Variants in HMGCLL1 observed in about 807,000 individuals in gnomAD.
HMGCLL1 encodes the protein 3-hydroxymethyl-3-methylglutaryl-CoA lyase, cytoplasmic.
A neutral mutation model predicts 39.1 loss-of-function variants in HMGCLL1; 36 were observed. The observed-to-expected ratio is 0.92, with a 90% CI of 0.71 to 1.22. HMGCLL1 has a LOEUF of 1.22. HMGCLL1 is among the 50% of genes most tolerant of loss of function. The pLI, the probability that HMGCLL1 is intolerant of heterozygous loss-of-function variation, is 0.00. For missense variants in HMGCLL1, 451 were observed against 416.5 expected, an observed-to-expected ratio of 1.08 and a Z score of -0.72; for synonymous variants, 149 against 144.0, an observed-to-expected ratio of 1.03 and a Z score of -0.25.
At chr6:55,636,504 C>T in the HMGCLL1 span, among the ~76,000 whole-genome samples, 3 of 152,164 alleles carry the variant, frequency 2.0e-5, no homozygotes, top group Non-Finnish European at 2.9e-5. Context: ...TACAGCTGGA[C>T]TCACAACCTA....
chr6:55,629,498 C>A, the HMGCLL1 span, among the ~76,000 whole-genome samples: 1 of 152,148 alleles, frequency 6.6e-6, no homozygotes, highest in East Asian at 1.9e-4. Context: ...ATTTCATTTT[C>A]TGAGGAGAAA....
intron 3 of HMGCLL1, among the ~76,000 whole-genome samples, chr6:55,531,763 G>A (rs1768690882): frequency 6.6e-6 from 1 of 152,070 alleles, no homozygotes; most frequent in African/African-American, 2.4e-5. Context: ...ATCAGCAGCT[G>A]CATTAGATTT....
At position 55,495,411 on chromosome 6, in the gene HMGCLL1, C is replaced by A; in HGVS notation, c.795+8G>T. ...GCACACACATAACACACAAAGAGTA[C>A]AAAATACCTGAAGGGCCGTAAGGAT... On this transcript the variant is annotated splice_region_variant and intron_variant, in intron 7 of 8. Coordinates refer to ENST00000274901, the MANE Select transcript of HMGCLL1 (RefSeq NM_001042406.2). The A allele has an allele frequency of 6.2e-7, 1 of 1,609,836 alleles. No homozygotes were observed. The highest frequency in any genetic ancestry group is 8.5e-7 in the Non-Finnish European group (1 of 1,177,534).
At chr6:55,643,006 G>A in the HMGCLL1 span, among the ~76,000 whole-genome samples, 1 of 152,042 alleles carries the variant, frequency 6.6e-6, no homozygotes, top group Non-Finnish European at 1.5e-5. Context: ...ATTCCATGGT[G>A]TATATGTACC....
chr6:55,655,562 A>AGATAGATAGAT, the HMGCLL1 span, among the ~76,000 whole-genome samples: 1 of 151,724 alleles, frequency 6.6e-6, no homozygotes, highest in Non-Finnish European at 1.5e-5. Flanking sequence ...ATAGATAGAT[A>AGATAGATAGAT]GATAGATAGA....
chr6:55,650,196 A>G, the HMGCLL1 span, among the ~76,000 whole-genome samples: 1 of 135,704 alleles, frequency 7.4e-6, no homozygotes, highest in Admixed American at 7.8e-5. Context: ...TATTTAGTTC[A>G]TTTTTTGAGG....
the HMGCLL1 span, among the ~76,000 whole-genome samples, chr6:55,628,372 G>A: frequency 1.3e-5 from 2 of 148,942 alleles, no homozygotes; most frequent in Non-Finnish European, 3.0e-5. Context: ...CACAACTTGG[G>A]CTCACTGCAA....
chr6:55,540,570 C>T (rs1041746207), intron 3 of HMGCLL1, among the ~76,000 whole-genome samples: 2 of 152,086 alleles, frequency 1.3e-5, no homozygotes, highest in Admixed American at 6.6e-5. Context: ...GTTGGACTTC[C>T]CAGCCTCCAT....
chr6:55,579,318 A>C (rs1005383752), upstream of HMGCLL1: 5 of 550,208 alleles, frequency 9.1e-6, no homozygotes, highest in African/African-American at 5.7e-5. Flanking sequence ...GAGAGAAAGG[A>C]GCTGAGCCAG....
the HMGCLL1 span, among the ~76,000 whole-genome samples, chr6:55,649,042 T>C: frequency 6.6e-6 from 1 of 152,246 alleles, no homozygotes; most frequent in East Asian, 1.9e-4. Context: ...ATACATGACT[T>C]GAATAGTTGC....
chr6:55,500,568 T>C (rs1766826416), intron 5 of HMGCLL1, among the ~76,000 whole-genome samples: 1 of 151,916 alleles, frequency 6.6e-6, no homozygotes, highest in Non-Finnish European at 1.5e-5. Flanking sequence ...TGTTTTAGTA[T>C]TAAATAGTTT....
intron 1 of HMGCLL1, among the ~76,000 whole-genome samples, chr6:55,566,053 G>C (rs1465128447): frequency 2.0e-5 from 3 of 152,076 alleles, no homozygotes; most frequent in African/African-American, 2.4e-5. Flanking sequence ...ACAAAAATAA[G>C]ATTCATATTT....
chr6:55,458,292 A>C (rs1764412718), intron 7 of HMGCLL1, among the ~76,000 whole-genome samples: 1 of 152,314 alleles, frequency 6.6e-6, no homozygotes, highest in Non-Finnish European at 1.5e-5. Context: ...TAAAGCATAC[A>C]AAATCTGTGC....
chr6:55,617,948 T>TA, the HMGCLL1 span, among the ~76,000 whole-genome samples: 140 of 152,014 alleles, frequency 9.2e-4, no homozygotes, highest in Middle Eastern at 3.4e-3. Flanking sequence ...TACACAGCAA[T>TA]AAAAAAACAT....
chr6:55,452,615 A>C (rs547555073), intron 7 of HMGCLL1, among the ~76,000 whole-genome samples: 17 of 152,288 alleles, frequency 1.1e-4, no homozygotes, highest in African/African-American at 3.9e-4. Flanking sequence ...TAATATGATC[A>C]TATATAATGT....
intron 8 of HMGCLL1, among the ~76,000 whole-genome samples, chr6:55,436,074 A>C (rs937732784): frequency 3.3e-5 from 5 of 151,970 alleles, no homozygotes; most frequent in African/African-American, 1.2e-4. Flanking sequence ...TGGAACTAGA[A>C]AAGCAGTCAA....
intron 7 of HMGCLL1, among the ~76,000 whole-genome samples, chr6:55,477,368 A>T (rs867585046): frequency 1.1e-3 from 27 of 23,912 alleles, no homozygotes; most frequent in South Asian, 2.2e-3. Context: ...ATATTATATT[A>T]ATATAATATA....
intron 3 of HMGCLL1, among the ~76,000 whole-genome samples, chr6:55,527,635 T>C (rs1768393300): frequency 6.6e-6 from 1 of 152,052 alleles, no homozygotes; most frequent in Non-Finnish European, 1.5e-5. Context: ...ATGATGACAC[T>C]GATAAGACCT....
At chr6:55,572,964 G>A (rs1264781264) in intron 1 of HMGCLL1, among the ~76,000 whole-genome samples, 3 of 152,164 alleles carry the variant, frequency 2.0e-5, no homozygotes, top group Non-Finnish European at 4.4e-5. Flanking sequence ...TGAGGCATTT[G>A]CCAATTCTGT....
Sources: gnomAD v4.1 joint callset for allele counts (sites outside exome capture counted in the v4.1 genomes callset) on GRCh38, gnomAD v4.1.1 for gene constraint, MANE v1.5 for transcripts, NCBI Gene and HGNC (gene_info 2026-07-23, HGNC 2026-07-21) for gene names.